The following MYCBPAP variants were observed in gnomAD, a reference collection of about 807,000 sequenced individuals.
MYCBPAP encodes MYCBP associated protein.
A neutral mutation model predicts 106.1 loss-of-function variants in MYCBPAP; 60 were observed. The observed-to-expected ratio is 0.57, with a 90% CI of 0.46 to 0.70. The LOEUF (loss-of-function observed/expected upper bound fraction) is 0.70, where lower values mean the gene tolerates loss of function less well. Ranked by LOEUF, MYCBPAP falls within the 30% of genes least tolerant of loss-of-function variation. The pLI, the probability that MYCBPAP is intolerant of heterozygous loss-of-function variation, is 0.00. For synonymous variants in MYCBPAP, 407 were observed against 440.6 expected, an observed-to-expected ratio of 0.92 and a Z score of 0.95; for missense variants, 1,064 against 1,169.3, an observed-to-expected ratio of 0.91 and a Z score of 1.31.
chr17:50,529,783 G>A (rs1488874100), intron 18 of MYCBPAP: 6 of 456,686 alleles, frequency 1.3e-5, no homozygotes, highest in Admixed American at 2.3e-5. Flanking sequence ...TGGCAGATGC[G>A]TTCCTTGGGA....
chr17:50,509,131 T>A (rs1178541029), intron 1 of MYCBPAP: 1 of 702,730 alleles, frequency 1.4e-6, no homozygotes. Flanking sequence ...GGAATTGGGG[T>A]CCTTGGGAAG....
chr17:50,531,033 T>A (rs557066808), intron 18 of MYCBPAP, among the ~76,000 whole-genome samples: 8 of 151,866 alleles, frequency 5.3e-5, no homozygotes, highest in African/African-American at 1.9e-4. Context: ...ACGCCTGTAG[T>A]CCCAGCTACT....
At chr17:50,507,882 T>A (rs1009015534), upstream of MYCBPAP, among the ~76,000 whole-genome samples, 1 of 152,064 alleles carries the variant, frequency 6.6e-6, no homozygotes, top group Non-Finnish European at 1.5e-5. Flanking sequence ...GCCTCAGGGC[T>A]CCAGGGGAAG....
chr17:50,521,663 G>C (rs1597836173), intron 9 of MYCBPAP, among the ~76,000 whole-genome samples: 1 of 152,148 alleles, frequency 6.6e-6, no homozygotes, highest in South Asian at 2.1e-4. Context: ...TTCCCTTGCT[G>C]GTCAACTGAG....
chr17:50,521,010 G>C, intron 7 of MYCBPAP, 100 bp from the exon 8 acceptor site: 1 of 889,022 alleles, frequency 1.1e-6, no homozygotes, highest in Non-Finnish European at 1.8e-6. Flanking sequence ...GTCCTTCCTA[G>C]AAATGGTGTT....
intron 18 of MYCBPAP, 124 bp downstream of exon 18, chr17:50,529,312 C>T (rs957756216): frequency 1.1e-6 from 1 of 892,466 alleles, no homozygotes; most frequent in Admixed American, 2.8e-5. Flanking sequence ...GGAAGGGCAT[C>T]CTCGTGTGTG....
chr17:50,518,692 C>T lies in MYCBPAP; in HGVS notation c.620C>T (p.Ala207Val), dbSNP rs758247004. The T allele has an allele frequency of 6.3e-7, 1 of 1,597,288 alleles. No homozygotes were observed. Among genetic ancestry groups the T allele is most frequent in the Admixed American group, 1.8e-5 (1 of 55,980 alleles). Reference protein sequence around the residue: ...NFLKNWQRNTALRKKQQEALS... With the variant: ...NFLKNWQRNTVLRKKQQEALS... Reference sequence around the variant, plus strand: ...CTGAAAAACTGGCAGCGTAACACAGCCCTGCGGAAGAAGCAGCAGGAAGCC... The same window carrying T: ...CTGAAAAACTGGCAGCGTAACACAGTCCTGCGGAAGAAGCAGCAGGAAGCC... The change falls in exon 5 of 19, where the codon GCC (alanine) becomes GTC (valine). Residue 207 changes from alanine to valine, a missense_variant. Coordinates refer to ENST00000323776, the MANE Select transcript of MYCBPAP (RefSeq NM_032133.6).
At chr17:50,517,747 T>G in intron 4 of MYCBPAP, 49 bp downstream of exon 4, 1 of 1,520,998 alleles carries the variant, frequency 6.6e-7, no homozygotes, top group Non-Finnish European at 9.1e-7. Context: ...TGAAGTCATT[T>G]TGGTCTCCCA....
Position 50,519,785 on chromosome 17 carries a change from C to T in MYCBPAP, c.914C>T (p.Thr305Ile), listed in dbSNP as rs1255241433. The T allele has an allele frequency of 6.2e-7, 1 of 1,613,344 alleles. No individual in the cohort carries two copies. Among genetic ancestry groups the T allele is most frequent in the Non-Finnish European group, 8.5e-7 (1 of 1,179,778 alleles). Residue 305 changes from threonine to isoleucine, a missense_variant and splice_region_variant, in exon 7 of 19, where the codon ACA (threonine) becomes ATA (isoleucine). By Grantham distance (89) the Thr-to-Ile change is moderately conservative. Transcript: ENST00000323776. ...IRKPHSIRVE[T>I]GLPAQRDASY... ...AAGCCCCACTCCATCCGGGTGGAGACAGGTGAGGCGCAGGGCTGTAAGCCA... is the reference window on the plus strand; with the variant it reads ...AAGCCCCACTCCATCCGGGTGGAGATAGGTGAGGCGCAGGGCTGTAAGCCA...
chr17:50,515,080 T>A (rs2033995945), intron 1 of MYCBPAP: 1 of 207,768 alleles, frequency 4.8e-6, no homozygotes, highest in East Asian at 1.6e-4. Context: ...TCCAGGGATG[T>A]GCTCCATTCT....
rs1258540370 is a variant in MYCBPAP, at chr17:50,508,474, C to T, written c.-201C>T. 6 of 1,443,958 alleles carry T rather than the reference C, an allele frequency of 4.2e-6. No homozygotes were observed. In the South Asian group the frequency reaches 5.2e-5, roughly 13 times the overall value. 89.4% of individuals were successfully genotyped at this position (1,443,958 alleles called of 1,614,324 possible). A position where few individuals can be genotyped will look rare whatever the true frequency, so the allele number is the denominator to read the frequency against. ...AGGGGTCCGTCGCTCTTGAAGCCGC[C>T]GGCGGCGGGCGCGTGCGCGGCCCGA... On this transcript the variant is annotated 5_prime_UTR_variant, in exon 1 of 19. Transcript: ENST00000323776.
At position 50,523,577 on chromosome 17, in the gene MYCBPAP, C is replaced by T. The variant is rs748869214; in HGVS notation, c.1448-20C>T. On this transcript the variant is annotated intron_variant, in intron 11 of 18. Coordinates refer to ENST00000323776, the MANE Select transcript of MYCBPAP (RefSeq NM_032133.6). The stretch of plus-strand genomic sequence containing the variant: ...GCCAGCTCCTGCATGTTGAAAACCT[C>T]GGGTCTCTGTCCCTCTCAGGTGTGA... 15 of 1,613,414 alleles carry T rather than the reference C, an allele frequency of 9.3e-6. No individual in the cohort carries two copies. The highest frequency in any genetic ancestry group is 4.0e-5 in the African/African-American group (3 of 74,830).
At chr17:50,522,709 A>AAAAAAAAAAAAAAAAAATATATAT in intron 10 of MYCBPAP, 10 of 50,030 alleles carry the variant, frequency 2.0e-4, no homozygotes, top group Non-Finnish European at 2.7e-4. Flanking sequence ...AAAAAAAAAA[A>AAAAAAAAAAAAAAAAAATATATAT]ATATATATAT....
At chr17:50,528,363 T>C in intron 16 of MYCBPAP, 93 bp downstream of exon 16, 2 of 1,110,960 alleles carry the variant, frequency 1.8e-6, no homozygotes, top group Non-Finnish European at 2.7e-6. Context: ...CATACTCCTT[T>C]GGTGGAAGCT....
chr17:50,522,709 A>AAAAAAAAAAAAAACAAAAATATATATAT, intron 10 of MYCBPAP: 1 of 50,016 alleles, frequency 2.0e-5, no homozygotes, highest in Non-Finnish European at 3.4e-5. Context: ...AAAAAAAAAA[A>AAAAAAAAAAAAAACAAAAATATATATAT]ATATATATAT....
Position 50,522,876 on chromosome 17 carries a change from A to T in MYCBPAP, c.1258-63A>T. The T allele has an allele frequency of 3.9e-6, 6 of 1,527,516 alleles. No individual in the cohort carries two copies. In the South Asian group the frequency reaches 7.2e-5, roughly 18 times the overall value. 94.6% of individuals were successfully genotyped at this position (1,527,516 alleles called of 1,614,324 possible). A position where few individuals can be genotyped will look rare whatever the true frequency, so the allele number is the denominator to read the frequency against. ...GCCAGAAAAGTCCTGGGCAGACCAG[A>T]TGAGTTGTTCACTCTAGGCCAGGGT... is the stretch of plus-strand genomic sequence containing the variant. On this transcript the variant is annotated intron_variant, in intron 10 of 18. Coordinates refer to ENST00000323776, the MANE Select transcript of MYCBPAP (RefSeq NM_032133.6).
chr17:50,513,793 G>A (rs1298580839), intron 1 of MYCBPAP, among the ~76,000 whole-genome samples: 1 of 152,214 alleles, frequency 6.6e-6, no homozygotes, highest in Admixed American at 6.5e-5. Flanking sequence ...ACCTTCAGCT[G>A]ATCTCAGTTC....
chr17:50,522,287 C>T (rs1461778379), intron 10 of MYCBPAP: 2 of 492,880 alleles, frequency 4.1e-6, no homozygotes, highest in Non-Finnish European at 7.4e-6. Context: ...CCACTTGGGG[C>T]TTATACCCAG....
intron 18 of MYCBPAP, among the ~76,000 whole-genome samples, chr17:50,530,497 C>CAAAAAAAAAAAAAAAAAAAAA (rs10526790): frequency 1.9e-5 from 2 of 105,942 alleles, no homozygotes; most frequent in African/African-American, 7.8e-5. Context: ...CTCTTACCTC[C>CAAAAAAAAAAAAAAAAAAAAA]AAAAAAAAAG....
Sources: allele counts gnomAD v4.1 joint callset (sites outside exome capture counted in the v4.1 genomes callset), GRCh38; gene constraint gnomAD v4.1.1; transcripts MANE v1.5; gene names NCBI Gene and HGNC (gene_info 2026-07-23, HGNC 2026-07-21).